LCOR: variants seen among roughly 807,000 people sequenced by gnomAD.
LCOR encodes the protein ligand-dependent corepressor.
In LCOR, 14 loss-of-function variants were observed where a neutral mutation model predicts 64.4. The observed-to-expected ratio is 0.22, with a 90% CI of 0.14 to 0.34. LCOR has a LOEUF of 0.34. Ranked by LOEUF, LCOR falls within the 10% of genes least tolerant of loss-of-function variation. The pLI, the probability that LCOR is intolerant of heterozygous loss-of-function variation, is 1.00. For missense variants in LCOR, 1,686 were observed against 1,765.3 expected, an observed-to-expected ratio of 0.96 and a Z score of 0.80; for synonymous variants, 643 against 642.5, an observed-to-expected ratio of 1.00 and a Z score of -0.01.
chr10:96,899,978 G>A (rs1846605770), intron 2 of LCOR, among the ~76,000 whole-genome samples: 5 of 152,164 alleles, frequency 3.3e-5, no homozygotes, highest in African/African-American at 1.2e-4. Flanking sequence ...GCAGTTCACC[G>A]ATTTTTATTA....
chr10:96,870,439 G>T (rs372981411), intron 2 of LCOR, among the ~76,000 whole-genome samples: 1 of 152,148 alleles, frequency 6.6e-6, no homozygotes, highest in Non-Finnish European at 1.5e-5. Flanking sequence ...CCCAAAGTCC[G>T]TAGGCACTGA....
intron 4 of LCOR, among the ~76,000 whole-genome samples, chr10:96,919,857 C>T (rs939805995): frequency 6.6e-6 from 1 of 152,154 alleles, no homozygotes; most frequent in African/African-American, 2.4e-5. Flanking sequence ...GAACAATATT[C>T]CACTTATGTA....
chr10:96,951,367 T>G (rs543248170), intron 6 of LCOR, among the ~76,000 whole-genome samples: 1 of 152,288 alleles, frequency 6.6e-6, no homozygotes, highest in Non-Finnish European at 1.5e-5. Flanking sequence ...TCTTCTTTCT[T>G]TAAACTTTCT....
At chr10:96,847,965 G>A (rs1469783963) in intron 2 of LCOR, among the ~76,000 whole-genome samples, 2 of 152,132 alleles carry the variant, frequency 1.3e-5, no homozygotes, top group Admixed American at 6.6e-5. Flanking sequence ...GGAAAAAGTG[G>A]CAGGTTTGTT....
intron 2 of LCOR, among the ~76,000 whole-genome samples, chr10:96,890,942 G>A (rs1012616504): frequency 6.6e-6 from 1 of 152,116 alleles, no homozygotes; most frequent in East Asian, 1.9e-4. Flanking sequence ...TTGTTTGCTA[G>A]TATTTTCTTG....
intron 2 of LCOR, among the ~76,000 whole-genome samples, chr10:96,884,496 C>A (rs1227349241): frequency 1.3e-5 from 2 of 152,140 alleles, no homozygotes; most frequent in African/African-American, 2.4e-5. Flanking sequence ...GTTTGGATAT[C>A]CCCCCTCCCC....
chr10:96,900,428 C>A (rs1846613530), intron 2 of LCOR, among the ~76,000 whole-genome samples: 1 of 148,228 alleles, frequency 6.7e-6, no homozygotes. Flanking sequence ...TAGAATAAAC[C>A]CAAAGAAATG....
At chr10:96,905,401 T>C (rs567509524) in intron 2 of LCOR, among the ~76,000 whole-genome samples, 1 of 152,286 alleles carries the variant, frequency 6.6e-6, no homozygotes, top group Non-Finnish European at 1.5e-5. Flanking sequence ...GCTTGCAAGG[T>C]GTTGAAATAC....
chr10:96,922,069 G>A (rs115267437), intron 4 of LCOR, among the ~76,000 whole-genome samples: 7,771 of 152,038 alleles, frequency 0.051, 674 homozygotes, highest in African/African-American at 0.18. Flanking sequence ...GAAACTTCAG[G>A]GTGGATGTTT....
At chr10:96,873,567 CACACGTGTGTGTGTGTGTGTGTGT>C (rs1366592748) in intron 2 of LCOR, among the ~76,000 whole-genome samples, 1 of 118,402 alleles carries the variant, frequency 8.4e-6, no homozygotes. Context: ...TACACACACA[CACACGTGTGTGTGTGTGTGTGTGT>C]GTGTGTGTGT....
chr10:96,970,657 A>T (rs368107237), intron 7 of LCOR, among the ~76,000 whole-genome samples: 24 of 138,878 alleles, frequency 1.7e-4, no homozygotes, highest in Admixed American at 4.2e-4. Flanking sequence ...TATTTTATTT[A>T]TTTTATTTTA....
At chr10:96,891,582 G>GC (rs1458054534) in intron 2 of LCOR, among the ~76,000 whole-genome samples, 1 of 106,108 alleles carries the variant, frequency 9.4e-6, no homozygotes, top group East Asian at 3.4e-4. Context: ...GGTCTCTGTC[G>GC]CCCACACTGG....
At chr10:96,893,753 ACT>A (rs968555804) in intron 2 of LCOR, among the ~76,000 whole-genome samples, 9 of 145,086 alleles carry the variant, frequency 6.2e-5, no homozygotes, top group Admixed American at 3.5e-4. Flanking sequence ...ACAGAGCAAG[ACT>A]CTGTTTCAAA....
intron 7 of LCOR, among the ~76,000 whole-genome samples, chr10:96,980,126 A>G (rs1289813374): frequency 6.6e-6 from 1 of 151,946 alleles, no homozygotes; most frequent in East Asian, 1.9e-4. Context: ...CCTGGGCGAC[A>G]GAGCAAGACT....
intron 2 of LCOR, among the ~76,000 whole-genome samples, chr10:96,873,004 T>C (rs1846098147): frequency 6.6e-6 from 1 of 152,202 alleles, no homozygotes; most frequent in Non-Finnish European, 1.5e-5. Flanking sequence ...CTGCCATTAT[T>C]AACACTGTAG....
chr10:96,840,516 A>G (rs1345775268), intron 2 of LCOR, among the ~76,000 whole-genome samples: 2 of 152,198 alleles, frequency 1.3e-5, no homozygotes, highest in East Asian at 1.9e-4. Context: ...GATGGCTGTA[A>G]CTAGGGTTTA....
chr10:96,964,373 A>G (rs1847927486), intron 7 of LCOR: 1 of 151,872 alleles, frequency 6.6e-6, no homozygotes, highest in South Asian at 2.1e-4. Flanking sequence ...TGTGTATGGT[A>G]GTTCTCACTG....
chr10:96,902,379 C>T (rs1412325714), intron 2 of LCOR, among the ~76,000 whole-genome samples: 16 of 152,026 alleles, frequency 1.1e-4, no homozygotes, highest in Admixed American at 1.0e-3. Flanking sequence ...AGAATGTGCT[C>T]AGGAGGAGAG....
intron 2 of LCOR, among the ~76,000 whole-genome samples, chr10:96,836,584 C>G (rs1313143668): frequency 6.6e-6 from 1 of 152,180 alleles, no homozygotes; most frequent in Non-Finnish European, 1.5e-5. Context: ...TGTAATCGAT[C>G]AGTTATTGTA....
Sources: gnomAD v4.1 joint callset for allele counts (sites outside exome capture counted in the v4.1 genomes callset) on GRCh38, gnomAD v4.1.1 for gene constraint, MANE v1.5 for transcripts, NCBI Gene and HGNC (gene_info 2026-07-23, HGNC 2026-07-21) for gene names.